The following ADAMTS17 variants were observed in gnomAD, a reference collection of about 807,000 sequenced individuals.
ADAMTS17 encodes the protein ADAM metallopeptidase with thrombospondin type 1 motif 17, also known as A disintegrin and metalloproteinase with thrombospondin motifs 17.
In ADAMTS17, 113 loss-of-function variants were observed where a neutral mutation model predicts 141.5. That is an observed-to-expected ratio of 0.80 (90% CI 0.69 to 0.93). The LOEUF (loss-of-function observed/expected upper bound fraction) is 0.93. Ranked by LOEUF, ADAMTS17 falls within the 40% of genes least tolerant of loss-of-function variation. The probability of loss-of-function intolerance (pLI) is 0.00; values close to 1 mark genes in which losing one functional copy is unlikely to be tolerated. For missense variants in ADAMTS17, 1,659 were observed against 1,517.9 expected, an observed-to-expected ratio of 1.09 and a Z score of -1.54; for synonymous variants, 768 against 630.6, an observed-to-expected ratio of 1.22 and a Z score of -3.27.
chr15:100,170,663 T>C (rs78761609), intron 8 of ADAMTS17, among the ~76,000 whole-genome samples: 5,756 of 152,294 alleles, frequency 0.038, 185 homozygotes, highest in East Asian at 0.18. Context: ...CAATTGGTTT[T>C]CTATCAGCCT....
At chr15:100,064,850 G>C (rs535396691) in intron 15 of ADAMTS17, among the ~76,000 whole-genome samples, 1 of 152,110 alleles carries the variant, frequency 6.6e-6, no homozygotes, top group Non-Finnish European at 1.5e-5. Context: ...TAATAATTTT[G>C]GTTTGATTTT....
At position 99,997,334 on chromosome 15, in the gene ADAMTS17, C is replaced by G. The variant is rs761847274; in HGVS notation, c.2796+51G>C. ...CCAGAATGTCACCAATACCATGGCA[C>G]CGTGTTGGAGTCCCTGTGGCTGAGT... is the stretch of plus-strand genomic sequence containing the variant. On this transcript the variant is annotated intron_variant, in intron 19 of 21. Transcript: ENST00000268070. The surrounding 1 kb of genome is among the most constrained non-coding windows in gnomAD (Gnocchi z 4.7). The G allele has an allele frequency of 3.7e-6, 6 of 1,601,144 alleles. No individual in the cohort carries two copies. The highest frequency in any genetic ancestry group is 5.1e-6 in the Non-Finnish European group (6 of 1,169,620).
At chr15:100,206,250 T>C (rs2041552961) in intron 7 of ADAMTS17, among the ~76,000 whole-genome samples, 2 of 152,198 alleles carry the variant, frequency 1.3e-5, no homozygotes, top group African/African-American at 4.8e-5. Flanking sequence ...GGAAACACCA[T>C]GCCCTGACCA....
intron 15 of ADAMTS17, 49 bp downstream of exon 15, chr15:100,096,307 A>G (rs2141017978): frequency 6.2e-7 from 1 of 1,609,234 alleles, no homozygotes; most frequent in African/African-American, 1.3e-5. Flanking sequence ...GCTGTAGGCA[A>G]AGGACACAAA....
At chr15:100,244,432 C>T (rs1265805198) in intron 7 of ADAMTS17, among the ~76,000 whole-genome samples, 2 of 150,122 alleles carry the variant, frequency 1.3e-5, no homozygotes, top group African/African-American at 2.5e-5. Context: ...TGTGTCCCCA[C>T]CCAAATCTCA....
chr15:100,107,879 A>C (rs2036504081), intron 14 of ADAMTS17, among the ~76,000 whole-genome samples: 1 of 152,136 alleles, frequency 6.6e-6, no homozygotes, highest in South Asian at 2.1e-4. Context: ...AAGCTGACTA[A>C]GATGCTGGGG....
At chr15:100,053,214 G>A (rs1180445456) in intron 16 of ADAMTS17, among the ~76,000 whole-genome samples, 5 of 152,278 alleles carry the variant, frequency 3.3e-5, no homozygotes, top group East Asian at 1.9e-4. Flanking sequence ...ATCTTGAGAC[G>A]GAAGCAGGGC....
At chr15:100,147,656 T>C (rs893004053) in intron 10 of ADAMTS17, among the ~76,000 whole-genome samples, 7 of 152,254 alleles carry the variant, frequency 4.6e-5, no homozygotes, top group Non-Finnish European at 8.8e-5. Flanking sequence ...CAGCTGATAC[T>C]GACTGAAACC....
chr15:99,996,796 C>CA lies in ADAMTS17; in HGVS notation c.2796+588dup, dbSNP rs376982346. Among the ~76,000 whole-genome samples, 461 of 152,028 alleles carry CA rather than the reference C, an allele frequency of 3.0e-3. 2 individuals are homozygous for CA. Among genetic ancestry groups the CA allele is most frequent in the African/African-American group, 0.01 (432 of 41,450 alleles). On this transcript the variant is annotated intron_variant, in intron 19 of 21. Coordinates refer to ENST00000268070, the MANE Select transcript of ADAMTS17 (RefSeq NM_139057.4). ...ATTTTTTTTTTTGTAGTTTTATAGCCAAACAGTCAAAATCATTAACACAAA... is the reference window on the plus strand; with the variant it reads ...ATTTTTTTTTTTGTAGTTTTATAGCCAAAACAGTCAAAATCATTAACACAAA...
At chr15:99,975,881 C>A (rs1256701835) in intron 21 of ADAMTS17, among the ~76,000 whole-genome samples, 164 bp downstream of exon 21, 2 of 145,090 alleles carry the variant, frequency 1.4e-5, no homozygotes, top group Non-Finnish European at 3.1e-5. Context: ...GGAATGGAAT[C>A]CATCTCTGAA....
At chr15:100,063,068 A>G (rs1383543) in intron 15 of ADAMTS17, among the ~76,000 whole-genome samples, 100,682 of 152,040 alleles carry the variant, frequency 0.66, 35,587 homozygotes, top group Non-Finnish European at 0.8. Context: ...CTAGGAAGGG[A>G]TTTATCAGAA....
At chr15:100,189,546 A>G (rs965035219) in intron 8 of ADAMTS17, among the ~76,000 whole-genome samples, 3 of 152,180 alleles carry the variant, frequency 2.0e-5, no homozygotes, top group Non-Finnish European at 4.4e-5. Context: ...ACTAGGTGTC[A>G]TTTACCAAAG....
chr15:100,196,400 A>G (rs1022543693), intron 8 of ADAMTS17, among the ~76,000 whole-genome samples: 7 of 152,256 alleles, frequency 4.6e-5, no homozygotes, highest in African/African-American at 1.7e-4. Context: ...TCATTGTTTG[A>G]TAAGTGGAAC....
At chr15:100,147,189 C>G (rs1023615264) in intron 10 of ADAMTS17, among the ~76,000 whole-genome samples, 1 of 152,064 alleles carries the variant, frequency 6.6e-6, no homozygotes, top group East Asian at 1.9e-4. Flanking sequence ...TGATGTCTCC[C>G]CTGGACGCCC....
chr15:100,188,438 G>C (rs2040801088), intron 8 of ADAMTS17, among the ~76,000 whole-genome samples: 1 of 151,814 alleles, frequency 6.6e-6, no homozygotes, highest in Non-Finnish European at 1.5e-5. Context: ...AGGTGCTTTG[G>C]GAATTTTTAG....
intron 12 of ADAMTS17, among the ~76,000 whole-genome samples, chr15:100,123,401 G>A (rs1262469596): frequency 6.6e-6 from 1 of 152,230 alleles, no homozygotes. Context: ...CCCAGGAGCT[G>A]AAGGTGGGTC....
chr15:100,149,259 C>A (rs1003444675), intron 10 of ADAMTS17, among the ~76,000 whole-genome samples: 1 of 152,242 alleles, frequency 6.6e-6, no homozygotes, highest in Non-Finnish European at 1.5e-5. Flanking sequence ...GCCCCAAATC[C>A]TTGGTTCTCA....
At chr15:100,223,989 A>T (rs1357079329) in intron 7 of ADAMTS17, among the ~76,000 whole-genome samples, 1 of 152,084 alleles carries the variant, frequency 6.6e-6, no homozygotes, top group East Asian at 1.9e-4. Flanking sequence ...TGGGAGAAAG[A>T]CGTAGGCTGG....
At chr15:100,021,406 C>G (rs1304251788) in intron 18 of ADAMTS17, among the ~76,000 whole-genome samples, 1 of 152,148 alleles carries the variant, frequency 6.6e-6, no homozygotes, top group Middle Eastern at 3.2e-3. Flanking sequence ...CTCAAATCTG[C>G]CTTCCCCTCC....
Sources: gnomAD v4.1 joint callset for allele counts (sites outside exome capture counted in the v4.1 genomes callset) on GRCh38, gnomAD v4.1.1 for gene constraint, Gnocchi (gnomAD v3.1) non-coding constraint, MANE v1.5 for transcripts, NCBI Gene and HGNC (gene_info 2026-07-23, HGNC 2026-07-21) for gene names.